IL13RA1: variants seen among roughly 807,000 people sequenced by gnomAD.
IL13RA1 encodes interleukin-13 receptor subunit alpha-1.
IL13RA1 carries 14 observed loss-of-function variants against 33.8 expected under a neutral mutation model. The ratio of observed to expected loss-of-function variants is 0.41; its 90% CI spans 0.27 to 0.65. IL13RA1 has a LOEUF of 0.65. IL13RA1 is among the 30% of genes least tolerant of loss of function. The pLI is 0.28. For synonymous variants in IL13RA1, 116 were observed against 115.7 expected, an observed-to-expected ratio of 1.00 and a Z score of -0.02; for missense variants, 313 against 327.0, an observed-to-expected ratio of 0.96 and a Z score of 0.33.
intron 6 of IL13RA1, among the ~76,000 whole-genome samples, chrX:118,766,277 A>G: frequency 9.0e-6 from 1 of 111,347 alleles, no homozygotes; most frequent in East Asian, 2.8e-4. Context: ...TATCTTACAC[A>G]TTTAAATCTG....
chrX:118,753,557 G>T (rs1205025085), intron 4 of IL13RA1, among the ~76,000 whole-genome samples: 1 of 112,697 alleles, frequency 8.9e-6, no homozygotes, highest in African/African-American at 3.2e-5. Flanking sequence ...ATAGGGTCTT[G>T]CTCTGTTGCC....
At chrX:118,746,238 G>A (rs1389199796) in intron 2 of IL13RA1, among the ~76,000 whole-genome samples, 1 of 110,652 alleles carries the variant, frequency 9.0e-6, no homozygotes, top group Non-Finnish European at 1.9e-5. Context: ...TCCCACCTCA[G>A]CCTCATGAGT....
intron 9 of IL13RA1, among the ~76,000 whole-genome samples, chrX:118,775,535 G>T (rs1209604459): frequency 8.9e-6 from 1 of 111,738 alleles, no homozygotes; most frequent in African/African-American, 3.3e-5. Flanking sequence ...GAAAGATGAG[G>T]ATAACCTATA....
rs192322742 is a variant in IL13RA1, at chrX:118,778,424, G to A, written c.1191+1913G>A. Reference sequence around the variant, plus strand: ...GTACCTGATGAGGAAATTGTATGCCGTATCTGGAGCGAGTATGATAGCTAT... The same window carrying A: ...GTACCTGATGAGGAAATTGTATGCCATATCTGGAGCGAGTATGATAGCTAT... On this transcript the variant is annotated intron_variant, in intron 10 of 10. Transcript: ENST00000371666. Among the ~76,000 whole-genome samples, 100 of 111,471 alleles carry A rather than the reference G, an allele frequency of 9.0e-4. 2 individuals carry two copies. The South Asian group carries it at 0.037, about 41-fold the overall frequency.
chrX:118,732,949 C>T (rs934030978), intron 1 of IL13RA1, among the ~76,000 whole-genome samples: 9 of 111,847 alleles, frequency 8.0e-5, no homozygotes, highest in Admixed American at 2.9e-4. Flanking sequence ...ATAATGCCCT[C>T]ATGGTTCATG....
downstream of IL13RA1, among the ~76,000 whole-genome samples, chrX:118,795,307 A>G (rs2147409625): frequency 9.0e-6 from 1 of 111,192 alleles, no homozygotes; most frequent in African/African-American, 3.3e-5. Flanking sequence ...TTCTATAACT[A>G]CAGCAAAATG....
At chrX:118,742,031 C>T (rs1178031736) in intron 2 of IL13RA1, among the ~76,000 whole-genome samples, 2 of 111,275 alleles carry the variant, frequency 1.8e-5, no homozygotes, top group African/African-American at 6.5e-5. Context: ...CCTCTCTGAG[C>T]GTTTGTTTCC....
Position 118,741,405 on chromosome X carries a change from A to G in IL13RA1, c.228+249A>G, listed in dbSNP as rs143127925. ...GGAAATACTAGATATCTTTTTCTCT[A>G]AGGTACTCAATAAATAATTATGTTA... is the stretch of plus-strand genomic sequence containing the variant. On this transcript the variant is annotated intron_variant, in intron 2 of 10. Transcript: ENST00000371666. Among the ~76,000 whole-genome samples the G allele has an allele frequency of 3.2e-3, 360 of 112,335 alleles. 1 individual carries two copies. Among genetic ancestry groups the G allele is most frequent in the African/African-American group, 0.011 (342 of 30,960 alleles).
At chrX:118,734,105 G>A (rs766460083) in intron 1 of IL13RA1, among the ~76,000 whole-genome samples, 2 of 111,737 alleles carry the variant, frequency 1.8e-5, no homozygotes, top group South Asian at 7.4e-4. Context: ...GGTTCCTTGA[G>A]ATTTCATAAG....
intron 2 of IL13RA1, among the ~76,000 whole-genome samples, chrX:118,741,813 C>A (rs1244792931): frequency 1.8e-5 from 2 of 110,302 alleles, no homozygotes; most frequent in African/African-American, 6.6e-5. Flanking sequence ...TGCAGGGTGG[C>A]GGCGGTGAGT....
intron 4 of IL13RA1, among the ~76,000 whole-genome samples, chrX:118,753,546 G>A (rs758260557): frequency 1.8e-5 from 2 of 112,177 alleles, no homozygotes; most frequent in South Asian, 3.6e-4. Flanking sequence ...TTTTTTTTGC[G>A]ATAGGGTCTT....
chrX:118,778,376 G>C (rs1404099172), intron 10 of IL13RA1, among the ~76,000 whole-genome samples: 1 of 111,177 alleles, frequency 9.0e-6, no homozygotes, highest in East Asian at 2.8e-4. Flanking sequence ...CTGGGAGTCA[G>C]GGCATGTAGA....
chrX:118,772,619 G>A (rs1352177037), intron 8 of IL13RA1, among the ~76,000 whole-genome samples: 1 of 112,089 alleles, frequency 8.9e-6, no homozygotes, highest in Non-Finnish European at 1.9e-5. Context: ...TATGTGATAT[G>A]TTCCAGTTTA....
chrX:118,746,909 T>C lies in IL13RA1; in HGVS notation c.229-45T>C, dbSNP rs766167466. The C allele has an allele frequency of 4.9e-6, 5 of 1,018,320 alleles. No individual in the cohort carries two copies. In the South Asian group the frequency reaches 6.0e-5, roughly 12 times the overall value. 83.9% of individuals were successfully genotyped at this position (1,018,320 alleles called of 1,213,427 possible). A position where few individuals can be genotyped will look rare whatever the true frequency, so the allele number is the denominator to read the frequency against. ...ACATGCTAATGTTTCATTATATAAG[T>C]GTGTGTTAGCTGAAGCAATGCCTTT... On this transcript the variant is annotated intron_variant, in intron 2 of 10. Transcript: ENST00000371666.
intron 8 of IL13RA1, among the ~76,000 whole-genome samples, chrX:118,767,471 G>A (rs1569457466): frequency 9.0e-6 from 1 of 111,092 alleles, no homozygotes; most frequent in Non-Finnish European, 1.9e-5. Context: ...AGCCTGGGAG[G>A]CGGAGGTTAC....
chrX:118,742,559 C>A (rs1006512919), intron 2 of IL13RA1, among the ~76,000 whole-genome samples: 1 of 112,090 alleles, frequency 8.9e-6, no homozygotes, highest in Admixed American at 9.5e-5. Flanking sequence ...GGTGTTCTAG[C>A]CTAGAAATGG....
chrX:118,764,128 A>G (rs1012931850), intron 6 of IL13RA1, among the ~76,000 whole-genome samples: 1 of 109,057 alleles, frequency 9.2e-6, no homozygotes, highest in African/African-American at 3.3e-5. Context: ...GGTCAGAGGT[A>G]GCTCATGACA....
the IL13RA1 span, among the ~76,000 whole-genome samples, chrX:118,800,673 C>T: frequency 1.3e-4 from 15 of 111,675 alleles, no homozygotes; most frequent in South Asian, 1.1e-3. Context: ...GGCATGATCA[C>T]GGCTCACTGC....
At chrX:118,770,172 C>T (rs183788141) in intron 8 of IL13RA1, 88 of 275,412 alleles carry the variant, frequency 3.2e-4, no homozygotes, top group African/African-American at 2.0e-3. Context: ...GGAGTGTCCG[C>T]GACAACGCGC....
Sources: gnomAD v4.1 joint callset for allele counts (sites outside exome capture counted in the v4.1 genomes callset) on GRCh38, gnomAD v4.1.1 for gene constraint, MANE v1.5 for transcripts, NCBI Gene and HGNC (gene_info 2026-07-23, HGNC 2026-07-21) for gene names.